ACSM2B: variants seen among roughly 807,000 people sequenced by gnomAD.
ACSM2B encodes acyl-coenzyme A synthetase ACSM2B, mitochondrial.
In ACSM2B, 58 loss-of-function variants were observed where a neutral mutation model predicts 78.6. The observed-to-expected ratio is 0.74, with a 90% CI of 0.60 to 0.92. The LOEUF (loss-of-function observed/expected upper bound fraction) is 0.92, where lower values mean the gene tolerates loss of function less well. Ranked by LOEUF, ACSM2B falls within the 40% of genes least tolerant of loss-of-function variation. ACSM2B has a pLI of 0.00. For synonymous variants in ACSM2B, 257 were observed against 256.8 expected, an observed-to-expected ratio of 1.00 and a Z score of -0.01; for missense variants, 688 against 711.2, an observed-to-expected ratio of 0.97 and a Z score of 0.37.
At chr16:20,537,404 G>A in intron 13 of ACSM2B, 42 bp from the exon 14 acceptor site, 1 of 1,607,118 alleles carries the variant, frequency 6.2e-7, no homozygotes, top group Non-Finnish European at 8.5e-7. Context: ...GATCTGTGAT[G>A]ACAGTGGGTT....
chr16:20,555,360 T>C lies in ACSM2B; in HGVS notation c.505A>G (p.Thr169Ala). 2.5e-6 allele frequency: 4 copies of C among 1,613,982 alleles called. 1 individual carries two copies. In the African/African-American group the frequency reaches 4.0e-5, roughly 16 times the overall value. The change falls in exon 4 of 14, where the codon ACA becomes GCA. Residue 169 changes from threonine (T) to alanine (A), a missense_variant. By Grantham distance (58) the Thr-to-Ala change is moderately conservative (BLOSUM62 0). Transcript: ENST00000329697. ...AGDEVIQEVD[T>A]VASECPSLRI... is the part of the protein sequence containing the mutation. ...AGAGAAGGACATTCAGATGCCACTG[T>C]GTCCACTTCTTGGATGACTTCATCC...
chr16:20,547,010 A>G, intron 8 of ACSM2B: 1 of 669,922 alleles, frequency 1.5e-6, no homozygotes, highest in African/African-American at 1.9e-5. Context: ...TTCTGCTTGA[A>G]CCCTGAAATG....
intron 1 of ACSM2B, among the ~76,000 whole-genome samples, chr16:20,566,461 T>C (rs111618938): frequency 0.19 from 22,770 of 122,186 alleles, 3,081 homozygotes; most frequent in East Asian, 0.7. Context: ...TTATATAATA[T>C]ATAATGTAAT....
At chr16:20,555,568 G>A in intron 3 of ACSM2B, 92 bp from the exon 4 acceptor site, 1 of 1,571,738 alleles carries the variant, frequency 6.4e-7, no homozygotes, top group Non-Finnish European at 8.6e-7. Context: ...GAGCAAGTGG[G>A]GAAGGAGAGG....
Position 20,548,492 on chromosome 16 carries a change from G to A in ACSM2B, c.895-19C>T, listed in dbSNP as rs762376567. The A allele has an allele frequency of 6.2e-7, 1 of 1,613,456 alleles. No homozygotes were observed. The highest frequency in any genetic ancestry group is 1.1e-5 in the South Asian group (1 of 91,040). On this transcript the variant is annotated intron_variant, in intron 6 of 13. Coordinates refer to ENST00000329697, the MANE Select transcript of ACSM2B (RefSeq NM_001105069.2). ...AGAGTGTCTGGAAGACAAGAGCCAG[G>A]TGAGACATTGGTCACCAGGTCAAAT... is the stretch of plus-strand genomic sequence containing the variant.
intron 2 of ACSM2B, 38 bp from the exon 3 acceptor site, chr16:20,559,485 G>A (rs765807612): frequency 6.2e-7 from 1 of 1,604,324 alleles, no homozygotes; most frequent in Non-Finnish European, 8.5e-7. Flanking sequence ...GGGGGCATTG[G>A]TACACAAGCA....
chr16:20,548,065 T>C lies in ACSM2B; in HGVS notation c.1095A>G (p.Glu365=), dbSNP rs1044703335. The C allele has an allele frequency of 6.2e-7, 1 of 1,614,006 alleles. No homozygotes were observed. The highest frequency in any genetic ancestry group is 8.5e-7 in the Non-Finnish European group (1 of 1,179,900). ...LDIREFYGQT[E]TGLTCMVSKT... ...TGGTTCCCCTGGGAACAGGTACCGT[T>C]TCTGTCTGGCCATAGAATTCTCGGA... Residue 365 remains glutamate, a synonymous_variant, in exon 8 of 14, where the codon GAA becomes GAG. Coordinates refer to ENST00000329697, the MANE Select transcript of ACSM2B (RefSeq NM_001105069.2).
chr16:20,573,157 C>T (rs1224786369), intron 1 of ACSM2B, among the ~76,000 whole-genome samples: 1 of 151,628 alleles, frequency 6.6e-6, no homozygotes, highest in Non-Finnish European at 1.5e-5. Context: ...TATCATATTC[C>T]CAGAATCGTT....
rs1236325488 is a variant in ACSM2B at position 20,567,633 on chromosome 16, T to A, written c.-8-2780A>T. 2.0e-4 allele frequency among the ~76,000 whole-genome samples: 28 copies of A among 136,896 alleles called. 1 individual carries two copies. The highest frequency in any genetic ancestry group is 6.2e-4 in the African/African-American group (23 of 37,094). The allele number at this position is 136,896 out of a possible 152,430, so 89.8% of individuals were successfully genotyped here. On this transcript the variant is annotated intron_variant, in intron 1 of 13. Transcript: ENST00000329697. ...TATAATATATAGTATATTATATCTA[T>A]ATCTATATATACTATGCTATTATAT...
At chr16:20,552,963 C>A (rs1231769626) in intron 5 of ACSM2B, among the ~76,000 whole-genome samples, 2 of 152,088 alleles carry the variant, frequency 1.3e-5, no homozygotes, top group African/African-American at 4.8e-5. Context: ...CACTTTATAT[C>A]TGCAAAAAAT....
At chr16:20,558,965 T>A (rs2015558079) in intron 3 of ACSM2B, among the ~76,000 whole-genome samples, 1 of 152,212 alleles carries the variant, frequency 6.6e-6, no homozygotes, top group Non-Finnish European at 1.5e-5. Context: ...GATTAAATAC[T>A]TACATGTGCA....
At chr16:20,540,850 T>G in intron 12 of ACSM2B, 77 bp from the exon 13 acceptor site, 1 of 1,564,102 alleles carries the variant, frequency 6.4e-7, no homozygotes, top group Non-Finnish European at 8.7e-7. Context: ...AAATTAGCAT[T>G]AAGACTTGCA....
intron 1 of ACSM2B, among the ~76,000 whole-genome samples, chr16:20,573,111 G>A (rs1325143173): frequency 6.6e-6 from 1 of 151,418 alleles, no homozygotes; most frequent in Non-Finnish European, 1.5e-5. Context: ...GTGAGCTAGT[G>A]TGATTTTTGG....
At chr16:20,540,290 T>G (rs2014952857) in intron 13 of ACSM2B, among the ~76,000 whole-genome samples, 1 of 149,232 alleles carries the variant, frequency 6.7e-6, no homozygotes, top group South Asian at 2.2e-4. Flanking sequence ...TCACTTAGGC[T>G]GGAGTGCAGT....
intron 1 of ACSM2B, among the ~76,000 whole-genome samples, chr16:20,566,306 AATAT>A (rs1226347740): frequency 8.8e-6 from 1 of 113,292 alleles, no homozygotes. Context: ...TAGATATATA[AATAT>A]ATATCCATCA....
chr16:20,562,680 G>A (rs1596729671), intron 2 of ACSM2B, among the ~76,000 whole-genome samples: 1 of 152,134 alleles, frequency 6.6e-6, no homozygotes, highest in East Asian at 1.9e-4. Context: ...GTAGATGGTA[G>A]GGGCCTCAAT....
intron 1 of ACSM2B, among the ~76,000 whole-genome samples, chr16:20,566,759 G>GTATATACTATATATAC (rs2015900650): frequency 3.4e-5 from 2 of 59,324 alleles, no homozygotes; most frequent in African/African-American, 1.7e-4. Flanking sequence ...ACTATATATA[G>GTATATACTATATATAC]TATATATAGA....
At position 20,547,278 on chromosome 16, in the gene ACSM2B, A is replaced by G. The variant is rs992902666; in HGVS notation, c.1098+784T>C. On this transcript the variant is annotated intron_variant, in intron 8 of 13. Transcript: ENST00000329697. Reference sequence around the variant, plus strand: ...CTCTGAATGGTGGGAGGCCCCTGCCAGGGTATGCTTGCCACAACTCCATTG... The same window carrying G: ...CTCTGAATGGTGGGAGGCCCCTGCCGGGGTATGCTTGCCACAACTCCATTG... 4.1e-6 allele frequency: 4 copies of G among 985,308 alleles called. No homozygotes were observed. The African/African-American group carries it at 7.0e-5, about 17-fold the overall frequency. The allele number at this position is 985,308 out of a possible 1,614,324, so 61.0% of individuals were successfully genotyped here.
rs201967054 is a variant in ACSM2B, at chr16:20,543,254, G to A, written c.1290C>T (p.Pro430=). 37 of 1,609,134 alleles carry A rather than the reference G, an allele frequency of 2.3e-5. No homozygotes were observed. The highest frequency in any genetic ancestry group is 4.5e-5 in the East Asian group (2 of 44,882). Residue 430 remains proline (P), a synonymous_variant, in exon 11 of 14, where the codon CCC becomes CCT. Coordinates refer to ENST00000329697, the MANE Select transcript of ACSM2B (RefSeq NM_001105069.2). ...CTCGAATGTTGGCTGCTGTCTTGTCGGGATTTTCCTGGTGACCACAGAAAG... is the reference window on the plus strand; with the variant it reads ...CTCGAATGTTGGCTGCTGTCTTGTCAGGATTTTCCTGGTGACCACAGAAAG... ...IGIFSGYVEN[P]DKTAANIRGD... is the part of the protein sequence containing the mutation.
Sources: gnomAD v4.1 joint callset for allele counts (sites outside exome capture counted in the v4.1 genomes callset) on GRCh38, gnomAD v4.1.1 for gene constraint, MANE v1.5 for transcripts, NCBI Gene and HGNC (gene_info 2026-07-23, HGNC 2026-07-21) for gene names.